The following EBF3 variants were observed in gnomAD, a reference collection of about 807,000 sequenced individuals.
EBF3 encodes transcription factor COE3.
EBF3 carries 18 observed loss-of-function variants against 77.1 expected under a neutral mutation model. That is an observed-to-expected ratio of 0.23 (90% CI 0.16 to 0.35). EBF3 has a LOEUF of 0.35. Ranked by LOEUF, EBF3 falls within the 10% of genes least tolerant of loss-of-function variation. The probability of loss-of-function intolerance (pLI) is 1.00; values close to 1 mark genes in which losing one functional copy is unlikely to be tolerated. For synonymous variants in EBF3, 350 were observed against 343.5 expected (o/e 1.02, Z -0.21); for missense variants, 558 against 860.0 (o/e 0.65, Z 4.39).
chr10:129,840,185 C>CACCCAA, intron 15 of EBF3, 60 bp downstream of exon 15: 2 of 1,368,934 alleles, frequency 1.5e-6, no homozygotes, highest in Non-Finnish European at 2.0e-6. Flanking sequence ...CCCACCCCCA[C>CACCCAA]TCCCATCCCC....
intron 10 of EBF3, 51 bp downstream of exon 10, chr10:129,867,090 G>A: frequency 2.5e-6 from 4 of 1,587,064 alleles, no homozygotes; most frequent in Non-Finnish European, 3.4e-6. Context: ...ACCTCCTGGT[G>A]GGGAGGAGGC....
In EBF3 at chr10:129,963,270, C is replaced by T. The variant is rs915098244; in HGVS notation, c.291+97G>A. The stretch of plus-strand genomic sequence containing the variant: ...GGCGGGGTGGCCTGGCGGAGCCGAG[C>T]CCGCCGCCTAGGGGGGCACTCGAAC... On this transcript the variant is annotated intron_variant, in intron 2 of 16. Coordinates refer to ENST00000440978, the MANE Select transcript of EBF3 (RefSeq NM_001375380.1). This position sits in a 1 kb window ranked among gnomAD's most constrained non-coding sequence, Gnocchi z 7.1. The T allele has an allele frequency of 6.0e-6, 9 of 1,492,688 alleles. No homozygotes were observed. The Admixed American group carries it at 2.3e-4, about 38-fold the overall frequency. The allele number at this position is 1,492,688 out of a possible 1,614,324, so 92.5% of individuals were successfully genotyped here.
intron 10 of EBF3, among the ~76,000 whole-genome samples, chr10:129,862,213 T>C (rs552500646): frequency 1.3e-5 from 2 of 152,274 alleles, no homozygotes; most frequent in South Asian, 2.1e-4. Flanking sequence ...CAGAAACTGT[T>C]AGCAATTACT....
In EBF3 at chr10:129,949,582, G is replaced by A. The variant is rs1198672772; in HGVS notation, c.554+7676C>T. ...CCCTGCTAGGGATCCCCACATGCAC[G>A]CCTGGGGAAGGCGCACGCTGCCTGC... On this transcript the variant is annotated intron_variant, in intron 6 of 16. Transcript: ENST00000440978. 3.3e-5 allele frequency among the ~76,000 whole-genome samples: 5 copies of A among 152,168 alleles called. No individual in the cohort carries two copies. The East Asian group carries it at 5.8e-4, about 18-fold the overall frequency.
intron 6 of EBF3, among the ~76,000 whole-genome samples, chr10:129,913,101 G>A (rs11597635): frequency 0.28 from 42,064 of 152,188 alleles, 6,283 homozygotes; most frequent in Non-Finnish European, 0.33. Context: ...GAGGGAAAAC[G>A]CAGCTTTGTT....
In EBF3 at chr10:129,840,284, G is replaced by A. The variant is rs1363311580; in HGVS notation, c.1720C>T (p.Pro574Ser). ...CCGTTGGCGCTGGTGCAGGAAGGAGGAGGAGAGGCTTGGGGCCGGACCACG... is the reference window on the plus strand; with the variant it reads ...CCGTTGGCGCTGGTGCAGGAAGGAGAAGGAGAGGCTTGGGGCCGGACCACG... ...APVVRPQASPPPSCTSANGNG... is the reference protein window; with the variant it reads ...APVVRPQASPSPSCTSANGNG... Residue 574 changes from proline to serine, a missense_variant, in exon 15 of 17, where the codon CCT becomes TCT. Physicochemically the swap from Pro to Ser is moderately conservative, Grantham distance 74 (BLOSUM62 -1). Around this residue, in one of 5 missense-constraint regions of EBF3, gnomAD observed 284 missense variants for 368.3 expected, o/e 0.77. Coordinates refer to ENST00000440978, the MANE Select transcript of EBF3 (RefSeq NM_001375380.1). The A allele has an allele frequency of 6.3e-7, 1 of 1,595,096 alleles. No homozygotes were observed. Among genetic ancestry groups the A allele is most frequent in the Non-Finnish European group, 8.5e-7 (1 of 1,170,674 alleles).
In EBF3 at chr10:129,843,131, A is replaced by G. The variant is rs751304900; in HGVS notation, c.1194+6T>C. The G allele has an allele frequency of 6.2e-7, 1 of 1,612,482 alleles. No individual in the cohort carries two copies. Among genetic ancestry groups the G allele is most frequent in the Admixed American group, 1.7e-5 (1 of 59,896 alleles). On this transcript the variant is annotated splice_donor_region_variant and intron_variant, in intron 12 of 16. Coordinates refer to ENST00000440978, the MANE Select transcript of EBF3 (RefSeq NM_001375380.1). Reference sequence around the variant, plus strand: ...GGATGGGCGAGGGGAGCCGCCCTCCACCTACCTGGTTGTTGTGAGGCATTC... The same window carrying G: ...GGATGGGCGAGGGGAGCCGCCCTCCGCCTACCTGGTTGTTGTGAGGCATTC...
chr10:129,942,700 G>A (rs986240709), intron 6 of EBF3, among the ~76,000 whole-genome samples: 1 of 152,136 alleles, frequency 6.6e-6, no homozygotes. Flanking sequence ...TCTAAATAAC[G>A]CCTGCCTGTC....
At chr10:129,960,416 G>A (rs1859414644) in intron 4 of EBF3, among the ~76,000 whole-genome samples, 1 of 152,242 alleles carries the variant, frequency 6.6e-6, no homozygotes, top group Non-Finnish European at 1.5e-5. Flanking sequence ...AACCACAGAA[G>A]TGATGGGTGT....
At chr10:129,855,739 T>C (rs142269152) in intron 10 of EBF3, among the ~76,000 whole-genome samples, 1 of 152,318 alleles carries the variant, frequency 6.6e-6, no homozygotes, top group African/African-American at 2.4e-5. Context: ...ATGTGTGCGA[T>C]TGAATGCTAT....
At chr10:129,849,855 G>A (rs1308935283) in intron 10 of EBF3, among the ~76,000 whole-genome samples, 1 of 152,074 alleles carries the variant, frequency 6.6e-6, no homozygotes, top group Non-Finnish European at 1.5e-5. Context: ...AAAATGCCTC[G>A]GCGTATGTGA....
At chr10:129,912,948 T>A (rs1855624032) in intron 6 of EBF3, among the ~76,000 whole-genome samples, 1 of 152,224 alleles carries the variant, frequency 6.6e-6, no homozygotes, top group Admixed American at 6.5e-5. Context: ...CTGATGAAGT[T>A]TACTTCCTTC....
intron 12 of EBF3, 26 bp downstream of exon 12, chr10:129,843,111 G>C: frequency 1.2e-6 from 2 of 1,609,150 alleles, no homozygotes; most frequent in Non-Finnish European, 1.7e-6. Context: ...GGGGAGGATG[G>C]GCGAGGGGAG....
At chr10:129,959,123 G>GC in intron 4 of EBF3, 116 bp from the exon 5 acceptor site, 2 of 1,265,598 alleles carry the variant, frequency 1.6e-6, no homozygotes, top group Non-Finnish European at 2.2e-6. Context: ...GAGGGGAGGC[G>GC]ATGCGCCCCC....
At position 129,863,159 on chromosome 10, in the gene EBF3, C is replaced by T. The variant is rs1169615793; in HGVS notation, c.1039+3982G>A. Among the ~76,000 whole-genome samples, 4 of 152,208 alleles carry T rather than the reference C, an allele frequency of 2.6e-5. No individual in the cohort carries two copies. Among genetic ancestry groups the T allele is most frequent in the Admixed American group, 2.6e-4 (4 of 15,288 alleles). ...TGATTGTTAATTCTGCTCCTAAGTG[C>T]TAGCCGCTTGAAAATTGTTCTCTCT... On this transcript the variant is annotated intron_variant, in intron 10 of 16. Coordinates refer to ENST00000440978, the MANE Select transcript of EBF3 (RefSeq NM_001375380.1). This position sits in a 1 kb window ranked among gnomAD's most constrained non-coding sequence, Gnocchi z 4.0.
Position 129,963,960 on chromosome 10 carries a change from C to A in EBF3, c.-192G>T. On this transcript the variant is annotated 5_prime_UTR_variant, in exon 1 of 17. Transcript: ENST00000440978. The surrounding 1 kb of genome is among the most constrained non-coding windows in gnomAD (Gnocchi z 7.1). ...CCAGCGGCCGGGCGCTCCGGACGGC[C>A]AGGGGCGCGGAGGCGGCTCCACCGG... is the stretch of plus-strand genomic sequence containing the variant. 9.7e-7 allele frequency: 1 copy of A among 1,033,000 alleles called. No individual in the cohort carries two copies. The highest frequency in any genetic ancestry group is 1.2e-6 in the Non-Finnish European group (1 of 863,070). The allele number at this position is 1,033,000 out of a possible 1,614,324, so 64.0% of individuals were successfully genotyped here. A position where few individuals can be genotyped will look rare whatever the true frequency, so the allele number is the denominator to read the frequency against.
In EBF3 at chr10:129,842,079, C is replaced by CCCT. The variant is rs1850103573; in HGVS notation, c.1372+36_1372+37insAGG. Reference sequence around the variant, plus strand: ...AAGGCCTCAACCAACCCTCGGAGGGCGTTCAGGGCAGGGGTCCTCCCAGCA... The same window carrying CCCT: ...AAGGCCTCAACCAACCCTCGGAGGGCCCTGTTCAGGGCAGGGGTCCTCCCAGCA... On this transcript the variant is annotated intron_variant, in intron 13 of 16. Coordinates refer to ENST00000440978, the MANE Select transcript of EBF3 (RefSeq NM_001375380.1). This position sits in a 1 kb window ranked among gnomAD's most constrained non-coding sequence, Gnocchi z 4.4. The CCCT allele has an allele frequency of 6.2e-7, 1 of 1,613,274 alleles. No individual in the cohort carries two copies. Among genetic ancestry groups the CCCT allele is most frequent in the South Asian group, 1.1e-5 (1 of 90,992 alleles).
At chr10:129,951,888 T>C (rs543948039) in intron 6 of EBF3, among the ~76,000 whole-genome samples, 1 of 152,360 alleles carries the variant, frequency 6.6e-6, no homozygotes, top group African/African-American at 2.4e-5. Context: ...TTTCTGTTTA[T>C]TTTCAGAAGT....
At chr10:129,862,510 AACC>A (rs1261377503) in intron 10 of EBF3, among the ~76,000 whole-genome samples, 1 of 152,176 alleles carries the variant, frequency 6.6e-6, no homozygotes, top group Non-Finnish European at 1.5e-5. Context: ...TGGGTCAATC[AACC>A]ATCCGGGTGC....
Sources: gnomAD v4.1 joint callset for allele counts (sites outside exome capture counted in the v4.1 genomes callset) on GRCh38, gnomAD v4.1.1 for gene constraint, gnomAD v4.1.1 regional missense constraint, Gnocchi (gnomAD v3.1) non-coding constraint, MANE v1.5 for transcripts, NCBI Gene and HGNC (gene_info 2026-07-23, HGNC 2026-07-21) for gene names.